FLAD1: variants seen among roughly 807,000 people sequenced by gnomAD.
FLAD1 encodes bifunctional FAD diphosphatase/FAD synthase.
Under a neutral mutation model 55.0 loss-of-function variants are expected in FLAD1, and 35 were observed. The observed-to-expected ratio is 0.64, with a 90% CI of 0.49 to 0.84. The LOEUF is 0.84. Ranked by LOEUF, FLAD1 falls within the 40% of genes least tolerant of loss-of-function variation. The pLI, the probability that FLAD1 is intolerant of heterozygous loss-of-function variation, is 0.00. For synonymous variants in FLAD1, 267 were observed against 303.0 expected, an observed-to-expected ratio of 0.88 and a Z score of 1.23; for missense variants, 665 against 742.6, an observed-to-expected ratio of 0.90 and a Z score of 1.21.
chr1:154,991,784 C>T (rs1657881925), intron 5 of FLAD1, among the ~76,000 whole-genome samples: 1 of 151,386 alleles, frequency 6.6e-6, no homozygotes, highest in South Asian at 2.1e-4. Context: ...CCAGGGAAGT[C>T]GAGGCTGTAG....
chr1:154,992,211 G>A (rs1336395028), intron 5 of FLAD1, among the ~76,000 whole-genome samples: 4 of 151,562 alleles, frequency 2.6e-5, no homozygotes, highest in Admixed American at 6.6e-5. Context: ...TTGGGAGGCC[G>A]TGGCGGGCGG....
intron 5 of FLAD1, 100 bp from the exon 6 acceptor site, chr1:154,992,613 A>G: frequency 6.2e-7 from 1 of 1,614,074 alleles, no homozygotes; most frequent in Non-Finnish European, 8.5e-7. Context: ...TCAGAGGCCA[A>G]GGGAGCAGAA....
At chr1:154,989,737 TG>T in intron 3 of FLAD1, 30 bp downstream of exon 3, 5 of 1,490,412 alleles carry the variant, frequency 3.4e-6, no homozygotes, top group Non-Finnish European at 4.5e-6. Flanking sequence ...ACAAGACCCC[TG>T]ATCTGTTTCT....
At chr1:154,990,645 T>A (rs956597967) in intron 5 of FLAD1, 117 bp downstream of exon 5, 1 of 1,000,830 alleles carries the variant, frequency 1.0e-6, no homozygotes, top group Non-Finnish European at 1.4e-6. Flanking sequence ...AGGGGCCTCA[T>A]CATCCAAGGG....
chr1:154,990,736 T>G, intron 5 of FLAD1: 1 of 503,426 alleles, frequency 2.0e-6, no homozygotes, highest in Non-Finnish European at 3.5e-6. Flanking sequence ...CACTTCCTAC[T>G]GTGGATAGAA....
chr1:154,983,950 T>C lies in FLAD1; in HGVS notation c.256T>C (p.Trp86Arg). Reference sequence around the variant, plus strand: ...CCTATTTGGGGGTCTGGGTGGCTACTGGAGGGCCTTGCAGAGGGGCAGAGA... The same window carrying C: ...CCTATTTGGGGGTCTGGGTGGCTACCGGAGGGCCTTGCAGAGGGGCAGAGA... ...RPLFGGLGGY[W>R]RALQRGREGR... The change falls in exon 1 of 7, where the codon TGG (tryptophan) becomes CGG (arginine). Residue 86 changes from tryptophan (W) to arginine (R), a missense_variant. By Grantham distance (101) the Trp-to-Arg change is moderately radical. Coordinates refer to ENST00000292180, the MANE Select transcript of FLAD1 (RefSeq NM_025207.5). 2 of 1,596,810 alleles carry C rather than the reference T, an allele frequency of 1.3e-6. No homozygotes were observed. The highest frequency in any genetic ancestry group is 1.7e-6 in the Non-Finnish European group (2 of 1,170,290).
At chr1:154,989,318 A>G (rs1297797730) in intron 2 of FLAD1, among the ~76,000 whole-genome samples, 1 of 152,054 alleles carries the variant, frequency 6.6e-6, no homozygotes, top group Non-Finnish European at 1.5e-5. Flanking sequence ...GGAAGCCCAC[A>G]CCCCACACCC....
intron 1 of FLAD1, 26 bp from the exon 2 acceptor site, chr1:154,988,079 G>A (rs753948492): frequency 6.2e-7 from 1 of 1,614,080 alleles, no homozygotes; most frequent in East Asian, 2.2e-5. Flanking sequence ...AGTACTGATG[G>A]CCTCATCTTC....
chr1:154,986,665 G>A (rs1657621851), intron 1 of FLAD1, among the ~76,000 whole-genome samples: 2 of 150,400 alleles, frequency 1.3e-5, no homozygotes, highest in Admixed American at 1.3e-4. Flanking sequence ...CCAAAGTGAT[G>A]GGATTACAGG....
At chr1:154,992,648 G>C in intron 5 of FLAD1, 65 bp from the exon 6 acceptor site, 1 of 1,614,108 alleles carries the variant, frequency 6.2e-7, no homozygotes, top group African/African-American at 1.3e-5. Flanking sequence ...CCCCTTCCCA[G>C]GACAGCAGGG....
intron 5 of FLAD1, 87 bp from the exon 6 acceptor site, chr1:154,992,626 G>A (rs753229045): frequency 6.6e-5 from 106 of 1,614,002 alleles, no homozygotes; most frequent in Non-Finnish European, 7.8e-5. Flanking sequence ...GAGCAGAAGA[G>A]CCATGGATGG....
intron 2 of FLAD1, 182 bp downstream of exon 2, chr1:154,989,031 T>G: frequency 4.3e-6 from 6 of 1,394,334 alleles, no homozygotes; most frequent in East Asian, 2.5e-5. Context: ...AGCACTGTGC[T>G]AGGTGTTGGG....
chr1:154,984,485 G>A (rs1195927757), intron 1 of FLAD1, among the ~76,000 whole-genome samples: 4 of 152,050 alleles, frequency 2.6e-5, no homozygotes, highest in African/African-American at 4.8e-5. Flanking sequence ...AGGCCGAGGC[G>A]GGTGGATCAC....
chr1:154,986,897 C>G (rs1343871023), intron 1 of FLAD1, among the ~76,000 whole-genome samples: 1 of 151,716 alleles, frequency 6.6e-6, no homozygotes, highest in African/African-American at 2.4e-5. Flanking sequence ...CACACCTGGT[C>G]GGCAAAAAAT....
At position 154,988,850 on chromosome 1, in the gene FLAD1, G is replaced by A. The variant is rs1323688594; in HGVS notation, c.1117+1G>A. 6.2e-7 allele frequency: 1 copy of A among 1,614,146 alleles called. No individual in the cohort carries two copies. Among genetic ancestry groups the A allele is most frequent in the Non-Finnish European group, 8.5e-7 (1 of 1,179,990 alleles). On this transcript the variant is annotated splice_donor_variant, in intron 2 of 6. Transcript: ENST00000292180. LOFTEE classifies it high-confidence loss of function. ...GCTGTATACAAACTCGCTGAATCAG[G>A]TAGGGACCTTATGGAGGAGGGGCAT...
At position 154,990,530 on chromosome 1, in the gene FLAD1, T is replaced by C; in HGVS notation, c.1554+2T>C. 2 of 1,593,484 alleles carry C rather than the reference T, an allele frequency of 1.3e-6. No individual in the cohort carries two copies. Among genetic ancestry groups the C allele is most frequent in the Non-Finnish European group, 1.7e-6 (2 of 1,167,756 alleles). ...TTCATGCGCATCAACCCACTGCTGG[T>C]AATGGGGAAGAGGGTTTATCACCTT... On this transcript the variant is annotated splice_donor_variant, in intron 5 of 6. Transcript: ENST00000292180. LOFTEE classifies it high-confidence loss of function.
intron 1 of FLAD1, among the ~76,000 whole-genome samples, chr1:154,985,541 TACAGGCATGTGCCACC>T (rs1269151414): frequency 3.9e-5 from 6 of 151,920 alleles, no homozygotes; most frequent in African/African-American, 1.5e-4. Flanking sequence ...TGGCTGGGAC[TACAGGCATGTGCCACC>T]ACACCTGGCT....
chr1:154,987,876 G>T (rs554750835), intron 1 of FLAD1: 1 of 1,351,280 alleles, frequency 7.4e-7, no homozygotes, highest in South Asian at 1.6e-5. Context: ...AGGCTGCAGT[G>T]AACTGTGACT....
At chr1:154,987,191 C>G (rs1402815168) in intron 1 of FLAD1, among the ~76,000 whole-genome samples, 1 of 152,112 alleles carries the variant, frequency 6.6e-6, no homozygotes, top group African/African-American at 2.4e-5. Flanking sequence ...CCACGCCCCG[C>G]TAATTTTTGT....
Sources: allele counts gnomAD v4.1 joint callset (sites outside exome capture counted in the v4.1 genomes callset), GRCh38; gene constraint gnomAD v4.1.1; transcripts MANE v1.5; gene names NCBI Gene and HGNC (gene_info 2026-07-23, HGNC 2026-07-21).